Variants in SNX6 observed in about 807,000 individuals in gnomAD.
SNX6 encodes sorting nexin-6.
A neutral mutation model predicts 63.0 loss-of-function variants in SNX6; 34 were observed. That is an observed-to-expected ratio of 0.54 (90% CI 0.41 to 0.72). The LOEUF (loss-of-function observed/expected upper bound fraction) is 0.72, where lower values mean the gene tolerates loss of function less well. Ranked by LOEUF, SNX6 falls within the 30% of genes least tolerant of loss-of-function variation. The pLI is 0.00. For missense variants in SNX6, 398 were observed against 471.4 expected (o/e 0.84, Z 1.44); for synonymous variants, 170 against 164.2 (o/e 1.04, Z -0.27).
At chr14:34,601,426 A>G (rs1882810603) in intron 6 of SNX6, among the ~76,000 whole-genome samples, 1 of 151,640 alleles carries the variant, frequency 6.6e-6, no homozygotes, top group Non-Finnish European at 1.5e-5. Flanking sequence ...GGGTTTCACC[A>G]TATTGGCCAG....
intron 10 of SNX6, among the ~76,000 whole-genome samples, chr14:34,580,803 C>T (rs1005897689): frequency 4.6e-5 from 7 of 151,990 alleles, no homozygotes; most frequent in African/African-American, 1.4e-4. Flanking sequence ...TACAGGTTTG[C>T]ACCACCACAC....
chr14:34,590,720 T>G (rs1882358385), intron 8 of SNX6, among the ~76,000 whole-genome samples: 1 of 152,100 alleles, frequency 6.6e-6, no homozygotes, highest in Admixed American at 6.6e-5. Context: ...AGTTAAATAT[T>G]CATTTACCAC....
chr14:34,603,525 C>G, intron 5 of SNX6, 54 bp from the exon 6 acceptor site: 1 of 1,455,888 alleles, frequency 6.9e-7, no homozygotes, highest in South Asian at 1.4e-5. Flanking sequence ...TAAAAAGTCA[C>G]CTGCAACAAT....
chr14:34,624,533 C>G (rs1883749208), intron 2 of SNX6, among the ~76,000 whole-genome samples: 1 of 152,106 alleles, frequency 6.6e-6, no homozygotes, highest in Non-Finnish European at 1.5e-5. Context: ...CGCTGTGGCT[C>G]ACACCTGTAA....
At chr14:34,596,723 G>A (rs1478576823) in intron 7 of SNX6, among the ~76,000 whole-genome samples, 8 of 150,978 alleles carry the variant, frequency 5.3e-5, no homozygotes, top group South Asian at 2.1e-4. Context: ...TCTCACTGTC[G>A]CCCAGGCTGG....
At chr14:34,626,030 T>C (rs1349587146) in intron 2 of SNX6, among the ~76,000 whole-genome samples, 1 of 152,142 alleles carries the variant, frequency 6.6e-6, no homozygotes, top group East Asian at 1.9e-4. Context: ...ACTAACTTAG[T>C]TTCTCTGAAG....
At chr14:34,601,799 T>G (rs1376406111) in intron 6 of SNX6, among the ~76,000 whole-genome samples, 1 of 151,282 alleles carries the variant, frequency 6.6e-6, no homozygotes, top group East Asian at 2.0e-4. Context: ...TTCACCATGT[T>G]GGCCAGGCTC....
intron 9 of SNX6, among the ~76,000 whole-genome samples, chr14:34,583,108 C>T (rs1401567900): frequency 1.3e-5 from 2 of 152,006 alleles, no homozygotes; most frequent in Non-Finnish European, 2.9e-5. Context: ...AGATCGAGAC[C>T]ATCCTGGGTA....
At position 34,563,156 on chromosome 14, in the gene SNX6, T is replaced by C; in HGVS notation, c.1187A>G (p.Gln396Arg). 6.2e-7 allele frequency: 1 copy of C among 1,614,026 alleles called. No individual in the cohort carries two copies. The highest frequency in any genetic ancestry group is 8.5e-7 in the Non-Finnish European group (1 of 1,179,956). The change falls in exon 14 of 14, where the codon CAG (glutamine) becomes CGG (arginine). Residue 396 changes from glutamine to arginine, a missense_variant. Transcript: ENST00000362031. The part of the protein sequence containing the change: ...KHAKGNLQLL[Q>R]NCLAVLNGDT ...TCCATTTAACACTGCCAGGCAGTTC[T>C]GCAGCAACTGTAGATTACCCTAAAA... is the stretch of plus-strand genomic sequence containing the variant.
chr14:34,593,140 T>A lies in SNX6; in HGVS notation c.623A>T (p.Asp208Val), dbSNP rs756472135. ...VIVSGVKDVD[D>V]FFEHERTFLL... Reference sequence around the variant, plus strand: ...AAATGTTCGTTCGTGCTCAAAGAAATCATCTACATCCTATAAGATCAAAAG... The same window carrying A: ...AAATGTTCGTTCGTGCTCAAAGAAAACATCTACATCCTATAAGATCAAAAG... Residue 208 changes from aspartate (D) to valine (V), a missense_variant, in exon 8 of 14, where the codon GAT becomes GTT. Physicochemically the swap from Asp to Val is radical, Grantham distance 152 (BLOSUM62 -3). Coordinates refer to ENST00000362031, the MANE Select transcript of SNX6 (RefSeq NM_152233.4). The A allele has an allele frequency of 3.8e-6, 6 of 1,594,668 alleles. No individual in the cohort carries two copies. In the East Asian group the frequency reaches 1.3e-4, roughly 36 times the overall value.
intron 9 of SNX6, among the ~76,000 whole-genome samples, chr14:34,583,871 G>T (rs1301516676): frequency 6.8e-6 from 1 of 146,834 alleles, no homozygotes; most frequent in African/African-American, 2.5e-5. Context: ...TTTTAAGACG[G>T]AGTTTCTCTC....
At chr14:34,626,826 A>G (rs943189430) in intron 2 of SNX6, among the ~76,000 whole-genome samples, 38 of 152,224 alleles carry the variant, frequency 2.5e-4, no homozygotes, top group East Asian at 1.9e-4. Flanking sequence ...TTTACTGAAC[A>G]TTATTAAGAT....
At chr14:34,595,324 A>G (rs1882556799) in intron 7 of SNX6, among the ~76,000 whole-genome samples, 1 of 152,020 alleles carries the variant, frequency 6.6e-6, no homozygotes, top group Non-Finnish European at 1.5e-5. Context: ...TTTAGTAGAG[A>G]CAGGGTTTCT....
intron 2 of SNX6, among the ~76,000 whole-genome samples, chr14:34,624,454 T>C (rs1053457733): frequency 2.0e-5 from 3 of 152,190 alleles, no homozygotes; most frequent in Non-Finnish European, 4.4e-5. Context: ...AATATCATGA[T>C]GAAAATGTAC....
chr14:34,599,355 C>T (rs759108794), intron 6 of SNX6, among the ~76,000 whole-genome samples: 4 of 152,146 alleles, frequency 2.6e-5, no homozygotes, highest in Admixed American at 6.6e-5. Flanking sequence ...CCTGTAATCC[C>T]AGCACTTTGT....
intron 11 of SNX6, chr14:34,568,656 A>G: frequency 1.2e-6 from 1 of 825,260 alleles, no homozygotes; most frequent in South Asian, 1.5e-5. Flanking sequence ...TTTTTAACGA[A>G]TGAGGCAATT....
At chr14:34,630,082 C>G (rs953903842) in intron 1 of SNX6, 29 bp downstream of exon 1, 18 of 1,450,852 alleles carry the variant, frequency 1.2e-5, no homozygotes, top group Non-Finnish European at 1.5e-5. Context: ...ACCGCGCTCC[C>G]GGGACTCGGC....
chr14:34,621,864 T>C (rs945688558), intron 2 of SNX6, among the ~76,000 whole-genome samples: 1 of 151,714 alleles, frequency 6.6e-6, no homozygotes, highest in African/African-American at 2.4e-5. Flanking sequence ...GCCTGTTAAC[T>C]GGTTTCTTTG....
intron 8 of SNX6, among the ~76,000 whole-genome samples, chr14:34,587,394 G>A (rs985736167): frequency 1.3e-5 from 2 of 151,570 alleles, no homozygotes; most frequent in Non-Finnish European, 2.9e-5. Context: ...TTAGCCGAGT[G>A]TGGTGGCAGG....
Sources: allele counts gnomAD v4.1 joint callset (sites outside exome capture counted in the v4.1 genomes callset), GRCh38; gene constraint gnomAD v4.1.1; transcripts MANE v1.5; gene names NCBI Gene and HGNC (gene_info 2026-07-23, HGNC 2026-07-21).